The following TMC1 variants were observed in gnomAD, a reference collection of about 807,000 sequenced individuals.
TMC1 encodes transmembrane channel like 1, also known as transmembrane channel-like protein 1.
A neutral mutation model predicts 105.8 loss-of-function variants in TMC1; 84 were observed. That is an observed-to-expected ratio of 0.79 (90% confidence interval 0.67 to 0.95). The LOEUF (loss-of-function observed/expected upper bound fraction) is 0.95, where lower values mean the gene tolerates loss of function less well. TMC1 is among the 40% of genes least tolerant of loss of function. The pLI is 0.00. For missense variants in TMC1, 817 were observed against 914.1 expected (o/e 0.89, Z 1.37); for synonymous variants, 315 against 311.5 (o/e 1.01, Z -0.12).
chr9:72,774,119 G>C (rs148803826), intron 13 of TMC1, among the ~76,000 whole-genome samples: 2 of 152,086 alleles, frequency 1.3e-5, no homozygotes, highest in African/African-American at 4.8e-5. Flanking sequence ...AGGAGTTGAG[G>C]CCACATTATA....
At chr9:72,523,281 G>A (rs1464361004) in intron 1 of TMC1, among the ~76,000 whole-genome samples, 2 of 152,062 alleles carry the variant, frequency 1.3e-5, no homozygotes, top group African/African-American at 4.8e-5. Context: ...GGGAGGAAGA[G>A]TGAGGAGTAA....
At chr9:72,603,324 C>T (rs1289938194) in intron 2 of TMC1, among the ~76,000 whole-genome samples, 1 of 151,788 alleles carries the variant, frequency 6.6e-6, no homozygotes, top group Non-Finnish European at 1.5e-5. Flanking sequence ...TTCTGCTCTC[C>T]CTACCCATAA....
intron 4 of TMC1, 52 bp downstream of exon 4, chr9:72,628,115 C>G: frequency 2.2e-6 from 1 of 455,360 alleles, no homozygotes; most frequent in Non-Finnish European, 4.4e-6. Context: ...TAGCATTGTA[C>G]TGGCCTTTCA....
At chr9:72,619,832 A>T (rs10869189) in intron 3 of TMC1, among the ~76,000 whole-genome samples, 32,779 of 138,348 alleles carry the variant, frequency 0.24, 4,095 homozygotes, top group African/African-American at 0.36. Flanking sequence ...TTAATTAATT[A>T]ATTTATTTAT....
intron 4 of TMC1, 97 bp from the exon 5 acceptor site, chr9:72,648,500 G>A (rs371066857): frequency 1.4e-5 from 10 of 733,164 alleles, no homozygotes; most frequent in African/African-American, 8.7e-5. Flanking sequence ...TTAAGTTTCA[G>A]ATGGTGAAAT....
In TMC1 at chr9:72,821,053, C is replaced by A. The variant is rs2118299337; in HGVS notation, c.1975C>A (p.Pro659Thr). The A allele has an allele frequency of 1.2e-6, 2 of 1,614,146 alleles. No homozygotes were observed. Among genetic ancestry groups the A allele is most frequent in the South Asian group, 2.2e-5 (2 of 91,072 alleles). ...TGTCTTGTACATGATCGTGTCCCTC[C>A]CACCATCTTTTGATTGTGGTCCATT... ...MPVLYMIVSL[P>T]PSFDCGPFSG... The change falls in exon 20 of 24, where the codon CCA becomes ACA. Residue 659 changes from proline (P) to threonine (T), a missense_variant. Physicochemically the swap from Pro to Thr is conservative, Grantham distance 38. Coordinates refer to ENST00000297784, the MANE Select transcript of TMC1 (RefSeq NM_138691.3).
Position 72,835,935 on chromosome 9 carries a change from T to TTTTTTTTTTGTGAA in TMC1, c.2261-16_2261-15insTTTTTTTTTGTGAA. Reference sequence around the variant, plus strand: ...TCCTTGTTTTTTTTTTTTTTTTTTTTCTGTTTTGTGAACAGCTGCAGCTGC... The same window carrying TTTTTTTTTTGTGAA: ...TCCTTGTTTTTTTTTTTTTTTTTTTTTTTTTTTTTGTGAACTGTTTTGTGAACAGCTGCAGCTGC... On this transcript the variant is annotated splice_polypyrimidine_tract_variant and intron_variant, in intron 23 of 23. Transcript: ENST00000297784. The TTTTTTTTTTGTGAA allele has an allele frequency of 6.5e-7, 1 of 1,545,882 alleles. No individual in the cohort carries two copies.
At chr9:72,738,379 T>C (rs1827335229) in intron 8 of TMC1, among the ~76,000 whole-genome samples, 1 of 152,118 alleles carries the variant, frequency 6.6e-6, no homozygotes, top group Non-Finnish European at 1.5e-5. Context: ...GCACTGATAC[T>C]AAGGAACATC....
chr9:72,833,617 G>A (rs1315084460), intron 23 of TMC1, among the ~76,000 whole-genome samples: 2 of 152,124 alleles, frequency 1.3e-5, no homozygotes, highest in African/African-American at 4.8e-5. Flanking sequence ...GTATGTGAGA[G>A]GCAAATTTTC....
intron 2 of TMC1, among the ~76,000 whole-genome samples, chr9:72,615,602 A>T (rs55943376): frequency 7.1e-4 from 108 of 152,258 alleles, no homozygotes; most frequent in Non-Finnish European, 1.2e-3. Context: ...TTCGACTTCA[A>T]TGTGGTGATT....
At chr9:72,578,226 A>C (rs1824417137) in intron 2 of TMC1, 1 of 151,314 alleles carries the variant, frequency 6.6e-6, no homozygotes, top group Admixed American at 6.6e-5. Flanking sequence ...TCTTCTCTTT[A>C]ATAACTTGTT....
intron 1 of TMC1, among the ~76,000 whole-genome samples, chr9:72,548,044 C>T (rs1022615145): frequency 6.6e-6 from 1 of 152,148 alleles, no homozygotes; most frequent in Non-Finnish European, 1.5e-5. Context: ...TTTATGAGCA[C>T]TCTACCTTCG....
intron 7 of TMC1, among the ~76,000 whole-genome samples, chr9:72,698,721 C>T (rs1826592493): frequency 6.6e-6 from 1 of 152,160 alleles, no homozygotes; most frequent in Non-Finnish European, 1.5e-5. Context: ...GAAACGAAAA[C>T]ACTGTAGCGT....
At chr9:72,604,716 A>G (rs1824879531) in intron 2 of TMC1, among the ~76,000 whole-genome samples, 1 of 152,232 alleles carries the variant, frequency 6.6e-6, no homozygotes, top group Admixed American at 6.5e-5. Context: ...GAATTCAGAA[A>G]TAAATTAGTA....
intron 1 of TMC1, among the ~76,000 whole-genome samples, chr9:72,554,611 A>G (rs1292150598): frequency 1.3e-5 from 2 of 152,238 alleles, no homozygotes; most frequent in African/African-American, 4.8e-5. Flanking sequence ...GGGACATGAC[A>G]GAATAGTTTC....
chr9:72,777,327 A>G (rs746540671), intron 13 of TMC1, among the ~76,000 whole-genome samples: 1 of 152,024 alleles, frequency 6.6e-6, no homozygotes, highest in Non-Finnish European at 1.5e-5. Context: ...TTCTTTGTCG[A>G]AGGAATTTCT....
At chr9:72,790,754 C>G (rs1828252680) in intron 15 of TMC1, among the ~76,000 whole-genome samples, 1 of 152,002 alleles carries the variant, frequency 6.6e-6, no homozygotes, top group East Asian at 1.9e-4. Flanking sequence ...TTAAATTTGC[C>G]TTGCATAAGT....
At chr9:72,626,737 C>T (rs7870601) in intron 3 of TMC1, among the ~76,000 whole-genome samples, 76,524 of 151,894 alleles carry the variant, frequency 0.5, 19,669 homozygotes, top group African/African-American at 0.61. Context: ...TTGAGGGAAA[C>T]TGGGGGCTAG....
At chr9:72,816,833 A>G (rs949210132) in intron 19 of TMC1, among the ~76,000 whole-genome samples, 1 of 152,182 alleles carries the variant, frequency 6.6e-6, no homozygotes, top group Non-Finnish European at 1.5e-5. Context: ...TTGACAGGTT[A>G]AGATGAGTCG....
Sources: gnomAD v4.1 joint callset for allele counts (sites outside exome capture counted in the v4.1 genomes callset) on GRCh38, gnomAD v4.1.1 for gene constraint, MANE v1.5 for transcripts, NCBI Gene and HGNC (gene_info 2026-07-23, HGNC 2026-07-21) for gene names.